The following PASK variants were observed in gnomAD, a reference collection of about 807,000 sequenced individuals.
PASK encodes the protein PAS domain containing serine/threonine kinase.
PASK carries 110 observed loss-of-function variants against 121.0 expected under a neutral mutation model. The ratio of observed to expected loss-of-function variants is 0.91; its 90% confidence interval spans 0.78 to 1.06. The LOEUF (loss-of-function observed/expected upper bound fraction) is 1.06, where lower values mean the gene tolerates loss of function less well. Ranked by LOEUF, PASK falls within the 50% of genes least tolerant of loss-of-function variation. PASK has a pLI of 0.00. For synonymous variants in PASK, 686 were observed against 717.8 expected (o/e 0.96, Z 0.71); for missense variants, 1,643 against 1,702.3 (o/e 0.97, Z 0.61).
chr2:241,117,308 A>G (rs1451389108), intron 12 of PASK, among the ~76,000 whole-genome samples: 1 of 152,238 alleles, frequency 6.6e-6, no homozygotes, highest in East Asian at 1.9e-4. Context: ...ACTGAGGGAA[A>G]GCAAGAAGAC....
intron 14 of PASK, chr2:241,114,368 G>C (rs2065236961): frequency 1.0e-6 from 1 of 985,548 alleles, no homozygotes; most frequent in Non-Finnish European, 1.2e-6. Context: ...GCAAATGTGA[G>C]TTGTCTACAC....
At chr2:241,114,707 T>A (rs546905357) in intron 14 of PASK, 326 of 1,324,870 alleles carry the variant, frequency 2.5e-4, no homozygotes, top group Non-Finnish European at 3.1e-4. Flanking sequence ...ACACATGCCT[T>A]TGAGACGCTC....
At chr2:241,116,160 C>A (rs7609234) in intron 12 of PASK, among the ~76,000 whole-genome samples, 16,283 of 101,650 alleles carry the variant, frequency 0.16, 2,480 homozygotes, top group East Asian at 0.44. Flanking sequence ...GCATCCCATT[C>A]CACCAGGGCC....
At chr2:241,125,382 C>T (rs1201624436) in intron 10 of PASK, among the ~76,000 whole-genome samples, 2 of 151,520 alleles carry the variant, frequency 1.3e-5, no homozygotes, top group African/African-American at 4.8e-5. Flanking sequence ...GGGCGGATCA[C>T]GACGTCAGGA....
At chr2:241,149,852 CCCAGCTGGCGCCCCGGAGCCAG>C (rs2067201664), upstream of PASK, 9 of 1,472,076 alleles carry the variant, frequency 6.1e-6, no homozygotes, top group East Asian at 2.1e-4. Flanking sequence ...GCAAGGGGAG[CCCAGCTGGCGCCCCGGAGCCAG>C]CCAGCTGGCT....
At position 241,115,070 on chromosome 2, in the gene PASK, C is replaced by A; in HGVS notation, c.3306G>T (p.Glu1102Asp). 6.2e-7 allele frequency: 1 copy of A among 1,614,136 alleles called. No homozygotes were observed. Among genetic ancestry groups the A allele is most frequent in the African/African-American group, 1.3e-5 (1 of 75,042 alleles). The change falls in exon 14 of 18, where the codon GAG (glutamate) becomes GAT (aspartate). Residue 1102 changes from glutamate (E) to aspartate (D), a missense_variant. This residue lies in a region of PASK where 453 missense variants were observed against 511.2 expected (regional missense o/e 0.89). Transcript: ENST00000234040. ...GTCGGAAGATGTAGCTCGCCAGGGG[C>A]TCATCCAGCCTGGGGTGGCGGTCGA... ...AFIDRHPRLD[E>D]PLASYIFRQL...
intron 5 of PASK, among the ~76,000 whole-genome samples, chr2:241,138,383 G>A (rs1426588277): frequency 1.3e-5 from 2 of 152,182 alleles, no homozygotes; most frequent in Non-Finnish European, 2.9e-5. Context: ...ACTATCCTGG[G>A]GGGTTTACAT....
chr2:241,127,663 G>T (rs1008284134), intron 9 of PASK: 1 of 593,726 alleles, frequency 1.7e-6, no homozygotes, highest in African/African-American at 1.8e-5. Context: ...TGATTTTGCA[G>T]AGAATGCTAC....
In PASK at chr2:241,144,630, G is replaced by A. The variant is rs80221980; in HGVS notation, c.-42-1556C>T. Among the ~76,000 whole-genome samples, 767 of 152,334 alleles carry A rather than the reference G, an allele frequency of 5.0e-3. 7 individuals carry two copies. Among genetic ancestry groups the A allele is most frequent in the African/African-American group, 0.017 (712 of 41,576 alleles). ...CTCCCACACTGGCACACCTATAGCC[G>A]TGAACTGGCTGAGGAGCAGCCTTCC... On this transcript the variant is annotated intron_variant, in intron 1 of 17. Transcript: ENST00000234040.
Position 241,128,993 on chromosome 2 carries a change from GCCTGCCTCTCTCCCTCCATGTCT to G in PASK, c.1464-1565_1464-1543del, listed in dbSNP as rs1478252779. On this transcript the variant is annotated intron_variant, in intron 9 of 17. Transcript: ENST00000234040. Reference sequence around the variant, plus strand: ...AGGGGGAGGCTGAGGGTCTGCGTCTGCCTGCCTCTCTCCCTCCATGTCTCCCGCCTCTCTCCCTCCATGTCTCC... The same window carrying G: ...AGGGGGAGGCTGAGGGTCTGCGTCTGCCCGCCTCTCTCCCTCCATGTCTCC... 1.1e-4 allele frequency among the ~76,000 whole-genome samples: 17 copies of G among 151,802 alleles called. 1 individual carries two copies. The highest frequency in any genetic ancestry group is 2.4e-4 in the Non-Finnish European group (16 of 67,954).
In PASK at chr2:241,132,884, G is replaced by C. The variant is rs768587311; in HGVS notation, c.1453C>G (p.Pro485Ala). 8 of 1,613,888 alleles carry C rather than the reference G, an allele frequency of 5.0e-6. No homozygotes were observed. The highest frequency in any genetic ancestry group is 6.8e-6 in the Non-Finnish European group (8 of 1,179,728). Residue 485 changes from proline to alanine, a missense_variant, in exon 9 of 18, where the codon CCT becomes GCT. By Grantham distance (27) the Pro-to-Ala change is conservative. Coordinates refer to ENST00000234040, the MANE Select transcript of PASK (RefSeq NM_015148.4). ...GQLLSCLSPQ[P>A]APGVDNVPEG... ...CACCAAGGGACTTACCCTGGAGCAG[G>C]CTGAGGTGAGAGGCAGGAAAGGAGC...
intron 9 of PASK, 89 bp from the exon 10 acceptor site, chr2:241,127,540 C>A: frequency 9.0e-7 from 1 of 1,113,876 alleles, no homozygotes. Flanking sequence ...GAACTAAGTA[C>A]AAAGCATTTA....
At position 241,107,505 on chromosome 2, in the gene PASK, GAC is replaced by G. The variant is rs770146283; in HGVS notation, c.3668-8_3668-7del. The G allele has an allele frequency of 6.2e-7, 1 of 1,613,558 alleles. No individual in the cohort carries two copies. The highest frequency in any genetic ancestry group is 8.5e-7 in the Non-Finnish European group (1 of 1,179,576). On this transcript the variant is annotated splice_polypyrimidine_tract_variant and splice_region_variant and intron_variant, in intron 16 of 17. Transcript: ENST00000234040. The stretch of plus-strand genomic sequence containing the variant: ...AGACACAAGGCTCATGAGTTCTGGG[GAC>G]ACAAAGAACACAGATGGTAGGTCCA...
In PASK at chr2:241,137,128, G is replaced by C; in HGVS notation, c.1013C>G (p.Ser338Cys). The change falls in exon 7 of 18, where the codon TCT (serine) becomes TGT (cysteine). Residue 338 changes from serine (S) to cysteine (C), a missense_variant. Physicochemically the swap from Ser to Cys is moderately radical, Grantham distance 112. This residue lies in a region of PASK where 1,176 missense variants were observed against 1,162.2 expected (regional missense o/e 1.01). Coordinates refer to ENST00000234040, the MANE Select transcript of PASK (RefSeq NM_015148.4). ...EAAPVSGYRA[S>C]VWVFCTISGL... ...ACTGATGGTGCAGAACACCCAGACA[G>C]ATGCCCGGTAGCCGCTCACAGGGGC... 6.2e-7 allele frequency: 1 copy of C among 1,613,880 alleles called. No individual in the cohort carries two copies. Among genetic ancestry groups the C allele is most frequent in the Non-Finnish European group, 8.5e-7 (1 of 1,179,984 alleles).
At chr2:241,133,108 C>G (rs751898854) in intron 8 of PASK, 78 bp from the exon 9 acceptor site, 164 of 1,393,502 alleles carry the variant, frequency 1.2e-4, no homozygotes, top group Non-Finnish European at 1.4e-4. Flanking sequence ...GCCTGGAACT[C>G]ACTGAGACTG....
At chr2:241,115,499 T>C in intron 12 of PASK, 86 bp from the exon 13 acceptor site, 1 of 1,529,030 alleles carries the variant, frequency 6.5e-7, no homozygotes, top group South Asian at 1.1e-5. Context: ...TCCTCAAGCA[T>C]CCCATTACAC....
At chr2:241,118,151 C>T (rs551211531) in intron 12 of PASK, among the ~76,000 whole-genome samples, 1 of 152,034 alleles carries the variant, frequency 6.6e-6, no homozygotes, top group Admixed American at 6.5e-5. Context: ...AACTGACAAG[C>T]TCATCCTAAA....
chr2:241,127,387 G>A lies in PASK; in HGVS notation c.1528C>T (p.Gln510Ter). Residue 510 changes from glutamine to a stop codon, truncating the protein, a stop_gained, in exon 10 of 18, where the codon CAA (glutamine) becomes TAA (stop). Coordinates refer to ENST00000234040, the MANE Select transcript of PASK (RefSeq NM_015148.4). LOFTEE classifies it high-confidence loss of function. ...TCCTCTCTCCCCAAGGCAGTGATTT[G>A]CTGGTCCTTGGGCAGCGCCTGTTCA... is the stretch of plus-strand genomic sequence containing the variant. The part of the protein sequence containing the change: ...HGEQALPKDQ[Q>*]ITALGREEPV... 3 of 1,614,046 alleles carry A rather than the reference G, an allele frequency of 1.9e-6. No individual in the cohort carries two copies. Among genetic ancestry groups the A allele is most frequent in the East Asian group, 2.2e-5 (1 of 44,890 alleles).
At chr2:241,149,673 C>A, upstream of PASK, 7 of 1,547,100 alleles carry the variant, frequency 4.5e-6, no homozygotes, top group Non-Finnish European at 6.1e-6. Flanking sequence ...CCGGGCCGGG[C>A]AGATGCGGTT....
Sources: allele counts gnomAD v4.1 joint callset (sites outside exome capture counted in the v4.1 genomes callset), GRCh38; gene constraint gnomAD v4.1.1; regional missense constraint gnomAD v4.1.1; transcripts MANE v1.5; gene names NCBI Gene and HGNC (gene_info 2026-07-23, HGNC 2026-07-21).